Variants in GNAO1 observed in about 807,000 individuals in gnomAD.
The protein encoded by GNAO1 is guanine nucleotide-binding protein G(o) subunit alpha.
For synonymous variants in GNAO1, 164 were observed against 180.7 expected, an observed-to-expected ratio of 0.91 and a Z score of 0.74; for missense variants, 166 against 478.7, an observed-to-expected ratio of 0.35 and a Z score of 6.10.
At chr16:56,314,464 G>A (rs750236694) in intron 3 of GNAO1, among the ~76,000 whole-genome samples, 31 of 152,176 alleles carry the variant, frequency 2.0e-4, no homozygotes, top group Admixed American at 7.2e-4. Flanking sequence ...TTTGCAGCAC[G>A]TGTTTTGTGC....
chr16:56,265,462 A>ACAGTT (rs1184601296), intron 2 of GNAO1, among the ~76,000 whole-genome samples: 1 of 152,252 alleles, frequency 6.6e-6, no homozygotes, highest in Non-Finnish European at 1.5e-5. Context: ...AAATGAATAT[A>ACAGTT]CAGTTCAGTG....
intron 6 of GNAO1, among the ~76,000 whole-genome samples, chr16:56,342,300 T>G (rs1167679145): frequency 6.6e-6 from 1 of 152,170 alleles, no homozygotes; most frequent in Non-Finnish European, 1.5e-5. Context: ...CAGCCCAGAT[T>G]GAGCAAAGAG....
chr16:56,198,072 A>C (rs189711233), intron 2 of GNAO1, among the ~76,000 whole-genome samples: 212 of 152,332 alleles, frequency 1.4e-3, no homozygotes, highest in Middle Eastern at 6.8e-3. Context: ...AACAAAAAAA[A>C]CCACATTTTG....
Position 56,326,707 on chromosome 16 carries a change from G to A in GNAO1, c.304-1924G>A, listed in dbSNP as rs1292778278. Reference sequence around the variant, plus strand: ...CCCATTCCTGTCTGTCCGGGGCACCGACTCAAACTGCAGCCAGCTATACAC... The same window carrying A: ...CCCATTCCTGTCTGTCCGGGGCACCAACTCAAACTGCAGCCAGCTATACAC... On this transcript the variant is annotated intron_variant, in intron 3 of 8. Coordinates refer to ENST00000262493, the MANE Select transcript of GNAO1 (RefSeq NM_020988.3). This position sits in a 1 kb window ranked among gnomAD's most constrained non-coding sequence, Gnocchi z 4.8. 2.0e-5 allele frequency among the ~76,000 whole-genome samples: 3 copies of A among 152,198 alleles called. No homozygotes were observed. The highest frequency in any genetic ancestry group is 1.3e-4 in the Admixed American group (2 of 15,286).
chr16:56,252,316 A>G (rs1567455529), intron 2 of GNAO1, among the ~76,000 whole-genome samples: 1 of 152,190 alleles, frequency 6.6e-6, no homozygotes, highest in Non-Finnish European at 1.5e-5. Flanking sequence ...GGCCCCCTAG[A>G]TGCCAGGCTG....
At chr16:56,350,296 G>T (rs2037908638) in intron 6 of GNAO1, among the ~76,000 whole-genome samples, 1 of 152,178 alleles carries the variant, frequency 6.6e-6, no homozygotes, top group Non-Finnish European at 1.5e-5. Flanking sequence ...CTGGGCTTTA[G>T]ATCCAGAGAG....
chr16:56,205,946 C>T (rs1175821892), intron 2 of GNAO1, among the ~76,000 whole-genome samples: 1 of 152,122 alleles, frequency 6.6e-6, no homozygotes, highest in African/African-American at 2.4e-5. Flanking sequence ...GATCCAAAGG[C>T]TGTGGCACAG....
At chr16:56,332,003 C>A (rs2037693351) in intron 4 of GNAO1, among the ~76,000 whole-genome samples, 1 of 152,180 alleles carries the variant, frequency 6.6e-6, no homozygotes, top group African/African-American at 2.4e-5. Flanking sequence ...CACACCGAGG[C>A]CACCAGCAGA....
intron 3 of GNAO1, among the ~76,000 whole-genome samples, chr16:56,277,755 C>T (rs2037073689): frequency 6.8e-6 from 1 of 146,978 alleles, no homozygotes; most frequent in African/African-American, 2.5e-5. Flanking sequence ...ATAGCAGACA[C>T]AGTACAAAAG....
rs185076514 is a variant in GNAO1, at chr16:56,255,563, T to A, written c.162-20368T>A. 3.3e-5 allele frequency: 5 copies of A among 152,358 alleles called. No homozygotes were observed. The East Asian group carries it at 9.7e-4, about 29-fold the overall frequency. 9.4% of individuals were successfully genotyped at this position (152,358 alleles called of 1,614,324 possible). A position where few individuals can be genotyped will look rare whatever the true frequency, so the allele number is the denominator to read the frequency against. ...TCTGGAAGCTTTTAAGATTTTGTGT[T>A]CATCTTGAAGTTTAGCAGTTGTACC... On this transcript the variant is annotated intron_variant, in intron 2 of 8. Transcript: ENST00000262493.
At chr16:56,265,327 T>G (rs1453922933) in intron 2 of GNAO1, among the ~76,000 whole-genome samples, 2 of 152,232 alleles carry the variant, frequency 1.3e-5, no homozygotes, top group Non-Finnish European at 2.9e-5. Flanking sequence ...GGTGCCCCTC[T>G]TATGCATGTC....
intron 3 of GNAO1, among the ~76,000 whole-genome samples, chr16:56,298,443 C>T (rs1296450950): frequency 3.3e-5 from 5 of 152,182 alleles, no homozygotes; most frequent in African/African-American, 4.8e-5. Context: ...TTCCCCCACA[C>T]GTGGGGCATA....
chr16:56,271,493 GC>G (rs1324806847), intron 2 of GNAO1, among the ~76,000 whole-genome samples: 10 of 152,110 alleles, frequency 6.6e-5, no homozygotes, highest in Admixed American at 5.2e-4. Context: ...TCGCTCTGTC[GC>G]CCAGGCTGGA....
intron 3 of GNAO1, among the ~76,000 whole-genome samples, chr16:56,300,179 C>A (rs2037331644): frequency 6.6e-6 from 1 of 152,052 alleles, no homozygotes; most frequent in Admixed American, 6.5e-5. Flanking sequence ...GCTTTTGTCC[C>A]ATGTCAAAAG....
intron 2 of GNAO1, among the ~76,000 whole-genome samples, chr16:56,262,583 A>G (rs1414289208): frequency 6.6e-6 from 1 of 152,188 alleles, no homozygotes; most frequent in East Asian, 1.9e-4. Context: ...AGATGAGCAA[A>G]GCTCTGCAGC....
chr16:56,232,987 T>C (rs1207720802), intron 2 of GNAO1, among the ~76,000 whole-genome samples: 1 of 152,222 alleles, frequency 6.6e-6, no homozygotes, highest in Non-Finnish European at 1.5e-5. Context: ...CCGGAAGGAC[T>C]TCACCATAAG....
intron 2 of GNAO1, among the ~76,000 whole-genome samples, chr16:56,245,244 C>T (rs1333217880): frequency 3.3e-5 from 5 of 152,190 alleles, no homozygotes; most frequent in African/African-American, 4.8e-5. Flanking sequence ...GCAATTTATC[C>T]ATTCTTAGAA....
At chr16:56,213,488 T>A (rs2036409629) in intron 2 of GNAO1, 1 of 395,138 alleles carries the variant, frequency 2.5e-6, no homozygotes, top group South Asian at 1.4e-4. Context: ...GAGGGAATGT[T>A]AGTTTTGGTT....
chr16:56,196,086 G>C (rs550862251), intron 2 of GNAO1, among the ~76,000 whole-genome samples: 8 of 152,166 alleles, frequency 5.3e-5, no homozygotes, highest in African/African-American at 1.9e-4. Context: ...TGAAAAGCCT[G>C]ATTCTCAGTA....
Sources: gnomAD v4.1 joint callset for allele counts (sites outside exome capture counted in the v4.1 genomes callset) on GRCh38, gnomAD v4.1.1 for gene constraint, Gnocchi (gnomAD v3.1) non-coding constraint, MANE v1.5 for transcripts, NCBI Gene and HGNC (gene_info 2026-07-23, HGNC 2026-07-21) for gene names.